Variants in PKP4 observed in about 807,000 individuals in gnomAD.
PKP4 encodes plakophilin 4.
PKP4 carries 90 observed loss-of-function variants against 145.1 expected under a neutral mutation model. That is an observed-to-expected ratio of 0.62 (90% confidence interval 0.52 to 0.74). The LOEUF (loss-of-function observed/expected upper bound fraction) is 0.74. Among genes scored for constraint, PKP4 ranks in the 30% least tolerant of loss-of-function variants. The pLI is 0.00. For synonymous variants in PKP4, 563 were observed against 577.2 expected (o/e 0.98, Z 0.35); for missense variants, 1,340 against 1,482.7 (o/e 0.90, Z 1.58).
chr2:158,477,884 C>T (rs775635860), intron 1 of PKP4, among the ~76,000 whole-genome samples: 2 of 152,146 alleles, frequency 1.3e-5, no homozygotes, highest in Non-Finnish European at 2.9e-5. Flanking sequence ...TCCAAAGCCT[C>T]ATGCTAACTG....
intron 2 of PKP4, among the ~76,000 whole-genome samples, chr2:158,554,593 T>G (rs1212946734): frequency 3.3e-5 from 5 of 151,882 alleles, no homozygotes; most frequent in African/African-American, 1.2e-4. Flanking sequence ...GCCAGGCTAA[T>G]TTTTTGTATT....
chr2:158,659,569 AG>A (rs931011859), intron 12 of PKP4: 3 of 152,246 alleles, frequency 2.0e-5, no homozygotes, highest in African/African-American at 7.2e-5. Context: ...GGGTGATGTG[AG>A]GGTTATTGAA....
chr2:158,545,866 T>C (rs1168458113), intron 2 of PKP4, among the ~76,000 whole-genome samples: 1 of 152,228 alleles, frequency 6.6e-6, no homozygotes, highest in Non-Finnish European at 1.5e-5. Context: ...CTCTTGCATA[T>C]AGTTCCTCTC....
chr2:158,680,520 A>G lies in PKP4; in HGVS notation c.3422A>G (p.Asp1141Gly). 6.2e-7 allele frequency: 1 copy of G among 1,614,086 alleles called. No individual in the cohort carries two copies. Among genetic ancestry groups the G allele is most frequent in the Middle Eastern group, 1.6e-4 (1 of 6,062 alleles). ...TTGCAGTCTCCTCATAGCTATGAAG[A>G]TCCTTATTTTGATGACCGAGTTCAC... ...LYLQSPHSYE[D>G]PYFDDRVHFP... is the part of the protein sequence containing the mutation. The change falls in exon 22 of 22, where the codon GAT (aspartate) becomes GGT (glycine). Residue 1141 changes from aspartate to glycine, a missense_variant. Coordinates refer to ENST00000389759, the MANE Select transcript of PKP4 (RefSeq NM_003628.6).
Position 158,577,263 on chromosome 2 carries a change from A to C in PKP4, c.133-8A>C, listed in dbSNP as rs781373266. 1 of 1,599,384 alleles carries C rather than the reference A, an allele frequency of 6.3e-7. No individual in the cohort carries two copies. The highest frequency in any genetic ancestry group is 8.6e-7 in the Non-Finnish European group (1 of 1,168,802). On this transcript the variant is annotated splice_polypyrimidine_tract_variant and splice_region_variant and intron_variant, in intron 2 of 21. Coordinates refer to ENST00000389759, the MANE Select transcript of PKP4 (RefSeq NM_003628.6). ...GCCTTATATGCCTTTTATTTTCTTG[A>C]ATCACAGGAGCTTCAGTTTCAGCGA...
At chr2:158,542,015 A>T (rs1012497541) in intron 2 of PKP4, among the ~76,000 whole-genome samples, 1 of 152,146 alleles carries the variant, frequency 6.6e-6, no homozygotes, top group African/African-American at 2.4e-5. Context: ...TCCATCACAA[A>T]GTTGACATGA....
intron 20 of PKP4, among the ~76,000 whole-genome samples, chr2:158,678,302 A>G (rs1185539904): frequency 1.3e-5 from 2 of 152,188 alleles, no homozygotes; most frequent in African/African-American, 4.8e-5. Flanking sequence ...TTGAGCAGGA[A>G]CCTTTGCGCA....
chr2:158,528,214 A>G (rs2043137913), intron 1 of PKP4, among the ~76,000 whole-genome samples: 1 of 138,924 alleles, frequency 7.2e-6, no homozygotes, highest in African/African-American at 2.5e-5. Context: ...ATTATTCACA[A>G]TAGCAAAGAC....
chr2:158,619,623 A>G (rs2052000958), intron 4 of PKP4, among the ~76,000 whole-genome samples: 1 of 152,182 alleles, frequency 6.6e-6, no homozygotes, highest in African/African-American at 2.4e-5. Context: ...TGAACACAGT[A>G]AGGTAAAGCC....
intron 3 of PKP4, among the ~76,000 whole-genome samples, chr2:158,580,570 A>G (rs1407161523): frequency 6.6e-6 from 1 of 152,194 alleles, no homozygotes; most frequent in Non-Finnish European, 1.5e-5. Flanking sequence ...AAGGAGACCA[A>G]CTGAAAGTTG....
chr2:158,506,584 GCTT>G (rs2040997817), intron 1 of PKP4, among the ~76,000 whole-genome samples: 1 of 152,172 alleles, frequency 6.6e-6, no homozygotes, highest in Admixed American at 6.5e-5. Flanking sequence ...TGGTACAAGG[GCTT>G]CTTTGGTGAT....
At chr2:158,655,902 G>C (rs1427237028) in intron 11 of PKP4, among the ~76,000 whole-genome samples, 1 of 152,230 alleles carries the variant, frequency 6.6e-6, no homozygotes, top group Admixed American at 6.5e-5. Flanking sequence ...GCCCATGTTA[G>C]TGACAGAGTC....
intron 4 of PKP4, among the ~76,000 whole-genome samples, chr2:158,620,193 A>C (rs1271078971): frequency 2.0e-5 from 3 of 152,210 alleles, no homozygotes; most frequent in African/African-American, 7.2e-5. Flanking sequence ...AGTCCATCAG[A>C]AAATGGGAAA....
At chr2:158,462,243 T>A (rs1390377378) in intron 1 of PKP4, among the ~76,000 whole-genome samples, 1 of 152,182 alleles carries the variant, frequency 6.6e-6, no homozygotes, top group Non-Finnish European at 1.5e-5. Flanking sequence ...TAAACCTTAT[T>A]ACCTTGACAA....
chr2:158,576,470 A>G (rs187950306), intron 2 of PKP4, among the ~76,000 whole-genome samples: 4 of 152,296 alleles, frequency 2.6e-5, no homozygotes, highest in East Asian at 1.9e-4. Context: ...TGATCTTTAG[A>G]TATTTTATAA....
chr2:158,538,495 C>A (rs925265989), intron 2 of PKP4, among the ~76,000 whole-genome samples: 2 of 145,982 alleles, frequency 1.4e-5, no homozygotes, highest in Admixed American at 6.8e-5. Flanking sequence ...ATTGAGATCT[C>A]TATTTGAACT....
At chr2:158,572,312 G>A (rs973543249) in intron 2 of PKP4, among the ~76,000 whole-genome samples, 2 of 152,230 alleles carry the variant, frequency 1.3e-5, no homozygotes, top group East Asian at 1.9e-4. Flanking sequence ...CTGTAGATTC[G>A]GTATTCTAAC....
chr2:158,517,688 G>A (rs2042042399), intron 1 of PKP4, among the ~76,000 whole-genome samples: 1 of 152,024 alleles, frequency 6.6e-6, no homozygotes, highest in Non-Finnish European at 1.5e-5. Context: ...GGCCCAGGCG[G>A]GTAGATAGGT....
At chr2:158,643,068 C>T (rs905152168) in intron 11 of PKP4, among the ~76,000 whole-genome samples, 2 of 152,066 alleles carry the variant, frequency 1.3e-5, no homozygotes, top group African/African-American at 4.8e-5. Context: ...CAGTCTTTTA[C>T]GTTAGCTCAG....
Sources: gnomAD v4.1 joint callset for allele counts (sites outside exome capture counted in the v4.1 genomes callset) on GRCh38, gnomAD v4.1.1 for gene constraint, MANE v1.5 for transcripts, NCBI Gene and HGNC (gene_info 2026-07-23, HGNC 2026-07-21) for gene names.